Variants in HOMER1 observed in about 807,000 individuals in gnomAD.
The protein encoded by HOMER1 is homer protein homolog 1.
HOMER1 carries 3 observed loss-of-function variants against 48.9 expected under a neutral mutation model. The ratio of observed to expected loss-of-function variants is 0.06; its 90% confidence interval spans 0.03 to 0.16. The LOEUF is 0.16. HOMER1 is among the 10% of genes least tolerant of loss of function. The probability of loss-of-function intolerance (pLI) is 1.00; values close to 1 mark genes in which losing one functional copy is unlikely to be tolerated. For synonymous variants in HOMER1, 134 were observed against 146.4 expected (o/e 0.92, Z 0.61); for missense variants, 247 against 411.4 (o/e 0.60, Z 3.46).
At chr5:79,403,703 C>T (rs1749589434) in intron 5 of HOMER1, among the ~76,000 whole-genome samples, 1 of 152,056 alleles carries the variant, frequency 6.6e-6, no homozygotes, top group South Asian at 2.1e-4. Flanking sequence ...AATGCTACTG[C>T]CCTGGATTTG....
intron 1 of HOMER1, among the ~76,000 whole-genome samples, chr5:79,487,637 T>C (rs113744537): frequency 6.6e-6 from 1 of 152,152 alleles, no homozygotes. Flanking sequence ...GAGGCTGTTA[T>C]AGACTGAAAG....
At chr5:79,455,080 C>T (rs1052819532) in intron 2 of HOMER1, among the ~76,000 whole-genome samples, 13 of 151,712 alleles carry the variant, frequency 8.6e-5, no homozygotes, top group African/African-American at 3.2e-4. Context: ...GCTAGGACTA[C>T]AGGCATGCAC....
At chr5:79,493,809 C>A (rs1752352007) in intron 1 of HOMER1, among the ~76,000 whole-genome samples, 1 of 152,128 alleles carries the variant, frequency 6.6e-6, no homozygotes, top group South Asian at 2.1e-4. Context: ...GTAAACAAAA[C>A]CAAAAGAATT....
chr5:79,460,420 C>T (rs889296246), intron 1 of HOMER1, among the ~76,000 whole-genome samples: 3 of 152,148 alleles, frequency 2.0e-5, no homozygotes, highest in Non-Finnish European at 4.4e-5. Context: ...AGAGCCAGAC[C>T]TTCTCATATA....
At chr5:79,439,298 C>G in intron 4 of HOMER1, 149 bp from the exon 5 acceptor site, 1 of 725,938 alleles carries the variant, frequency 1.4e-6, no homozygotes, top group Non-Finnish European at 2.1e-6. Context: ...AAACATAAAA[C>G]ATGGAAATTT....
chr5:79,500,738 C>T (rs1752552550), intron 1 of HOMER1, among the ~76,000 whole-genome samples: 1 of 151,176 alleles, frequency 6.6e-6, no homozygotes, highest in Non-Finnish European at 1.5e-5. Context: ...GATTCTTATG[C>T]CTCAACTTCC....
intron 5 of HOMER1, among the ~76,000 whole-genome samples, chr5:79,403,611 T>C (rs1749587006): frequency 6.6e-6 from 1 of 152,098 alleles, no homozygotes; most frequent in Non-Finnish European, 1.5e-5. Flanking sequence ...AACAGTTAAA[T>C]GCAAGGTGGG....
intron 1 of HOMER1, among the ~76,000 whole-genome samples, chr5:79,485,829 TGCAACA>T (rs1752084250): frequency 6.6e-6 from 1 of 152,160 alleles, no homozygotes; most frequent in Non-Finnish European, 1.5e-5. Flanking sequence ...CAAAGATGGC[TGCAACA>T]GTATCTCCTG....
chr5:79,384,108 C>CAAA (rs61146751), intron 8 of HOMER1, among the ~76,000 whole-genome samples: 1 of 86,452 alleles, frequency 1.2e-5, no homozygotes, highest in African/African-American at 3.8e-5. Context: ...ACTAGAAAAG[C>CAAA]AAAAAAAAAA....
chr5:79,494,792 C>A (rs1217621734), intron 1 of HOMER1, among the ~76,000 whole-genome samples: 2 of 152,200 alleles, frequency 1.3e-5, no homozygotes, highest in Admixed American at 1.3e-4. Context: ...TCGATTGAAC[C>A]CAGGAGAAGG....
chr5:79,472,590 C>T (rs567714017), intron 1 of HOMER1, among the ~76,000 whole-genome samples: 3 of 151,346 alleles, frequency 2.0e-5, no homozygotes, highest in African/African-American at 7.3e-5. Context: ...ACCTGGACCA[C>T]GTAGTGAGAC....
intron 6 of HOMER1, among the ~76,000 whole-genome samples, chr5:79,400,513 C>T (rs1749507710): frequency 6.6e-6 from 1 of 151,446 alleles, no homozygotes; most frequent in Admixed American, 6.6e-5. Flanking sequence ...CATGCCATCA[C>T]ACCCATCTAA....
At chr5:79,452,611 G>A (rs1324976884) in intron 2 of HOMER1, among the ~76,000 whole-genome samples, 2 of 152,032 alleles carry the variant, frequency 1.3e-5, no homozygotes, top group African/African-American at 4.8e-5. Flanking sequence ...GTGAACAACA[G>A]TATAAAAGTA....
At chr5:79,487,217 T>G (rs1752130680) in intron 1 of HOMER1, among the ~76,000 whole-genome samples, 1 of 152,128 alleles carries the variant, frequency 6.6e-6, no homozygotes, top group African/African-American at 2.4e-5. Context: ...AGGCAGAGGT[T>G]GCAGTGAGCC....
chr5:79,482,157 C>G (rs1751967212), intron 1 of HOMER1, among the ~76,000 whole-genome samples: 1 of 151,960 alleles, frequency 6.6e-6, no homozygotes, highest in African/African-American at 2.4e-5. Flanking sequence ...GAAGTTGAGG[C>G]TGCAGTGAGC....
intron 3 of HOMER1, 137 bp downstream of exon 3, chr5:79,450,853 C>A: frequency 1.3e-6 from 1 of 760,428 alleles, no homozygotes; most frequent in South Asian, 2.4e-5. Flanking sequence ...TTACTTCTTG[C>A]TCTGAAGTCA....
At chr5:79,417,793 A>G (rs987592112) in intron 5 of HOMER1, among the ~76,000 whole-genome samples, 1 of 152,216 alleles carries the variant, frequency 6.6e-6, no homozygotes, top group Non-Finnish European at 1.5e-5. Context: ...AGGAAAATTC[A>G]CCCTAAAAAT....
chr5:79,424,506 G>A (rs1389577509), intron 5 of HOMER1, among the ~76,000 whole-genome samples: 1 of 151,942 alleles, frequency 6.6e-6, no homozygotes, highest in African/African-American at 2.4e-5. Context: ...CTATGGGAAA[G>A]CATTTGTAAA....
At chr5:79,396,768 G>A in intron 8 of HOMER1, 55 bp downstream of exon 8, 1 of 1,058,388 alleles carries the variant, frequency 9.4e-7, no homozygotes, top group Non-Finnish European at 1.4e-6. Flanking sequence ...AGTGCTATGT[G>A]AAAAAATGAT....
Sources: gnomAD v4.1 joint callset for allele counts (sites outside exome capture counted in the v4.1 genomes callset) on GRCh38, gnomAD v4.1.1 for gene constraint, MANE v1.5 for transcripts, NCBI Gene and HGNC (gene_info 2026-07-23, HGNC 2026-07-21) for gene names.